Variants in NR2F6 observed in about 807,000 individuals in gnomAD.
NR2F6 encodes the protein nuclear receptor subfamily 2 group F member 6, also known as ERBA-related gene-2.
A neutral mutation model predicts 26.5 loss-of-function variants in NR2F6; 16 were observed. The ratio of observed to expected loss-of-function variants is 0.60; its 90% CI spans 0.41 to 0.92. The LOEUF (loss-of-function observed/expected upper bound fraction) is 0.92, where lower values mean the gene tolerates loss of function less well. Ranked by LOEUF, NR2F6 falls within the 40% of genes least tolerant of loss-of-function variation. The probability of loss-of-function intolerance (pLI) is 0.00; values close to 1 mark genes in which losing one functional copy is unlikely to be tolerated. For missense variants in NR2F6, 536 were observed against 631.7 expected (o/e 0.85, Z 1.62); for synonymous variants, 325 against 305.0 (o/e 1.07, Z -0.68).
At chr19:17,233,315 CAAAACAAAA>C (rs769837454) in intron 3 of NR2F6, among the ~76,000 whole-genome samples, 291 of 47,188 alleles carry the variant, frequency 6.2e-3, no homozygotes, top group Non-Finnish European at 0.015. Flanking sequence ...CTGTCTCAAA[CAAAACAAAA>C]CAAAACAAAA....
chr19:17,235,561 C>T lies in NR2F6; in HGVS notation c.878G>A (p.Gly293Asp). ...RAFQEQVDKL[G>D]RLQVDSAEYG... is the part of the protein sequence containing the mutation. ...CTCGGCCGAGTCGACCTGCAGGCGG[C>T]CCAGCTTGTCCACCTGCTCCTGGAA... is the stretch of plus-strand genomic sequence containing the variant. Residue 293 changes from glycine (G) to aspartate (D), a missense_variant, in exon 3 of 4, where the codon GGC becomes GAC. Physicochemically the swap from Gly to Asp is moderately conservative, Grantham distance 94 (BLOSUM62 -1). Coordinates refer to ENST00000291442, the MANE Select transcript of NR2F6 (RefSeq NM_005234.4). The surrounding 1 kb of genome is among the most constrained non-coding windows in gnomAD (Gnocchi z 5.0). 1 of 1,594,126 alleles carries T rather than the reference C, an allele frequency of 6.3e-7. No homozygotes were observed.
At chr19:17,240,594 G>T in intron 2 of NR2F6, 77 bp downstream of exon 2, 1 of 1,478,932 alleles carries the variant, frequency 6.8e-7, no homozygotes, top group Non-Finnish European at 9.4e-7. Context: ...AGGGGAAAAA[G>T]GGGAGGAAGA....
chr19:17,240,386 A>G (rs1176679203), intron 2 of NR2F6, among the ~76,000 whole-genome samples: 1 of 152,186 alleles, frequency 6.6e-6, no homozygotes, highest in Non-Finnish European at 1.5e-5. Flanking sequence ...GGGGCTGGGG[A>G]AAGTCCCTTG....
chr19:17,238,170 T>G (rs2145566097), intron 2 of NR2F6, among the ~76,000 whole-genome samples: 1 of 152,244 alleles, frequency 6.6e-6, no homozygotes, highest in East Asian at 1.9e-4. Flanking sequence ...AATGAGAATC[T>G]ATACCTTAAA....
At chr19:17,236,889 G>A (rs889731684) in intron 2 of NR2F6, among the ~76,000 whole-genome samples, 5 of 152,250 alleles carry the variant, frequency 3.3e-5, no homozygotes, top group East Asian at 1.9e-4. Context: ...GCTTGGGCAC[G>A]TCTGCAGTGA....
At chr19:17,244,580 G>A (rs928570961) in intron 1 of NR2F6, 1 of 234,424 alleles carries the variant, frequency 4.3e-6, no homozygotes, top group Non-Finnish European at 8.3e-6. Context: ...CATCCCGCGC[G>A]CCGGGATCCC....
intron 1 of NR2F6, among the ~76,000 whole-genome samples, chr19:17,243,297 A>C (rs2073479011): frequency 6.6e-6 from 1 of 152,176 alleles, no homozygotes; most frequent in Non-Finnish European, 1.5e-5. Context: ...GGGGCTTCTC[A>C]GGAGCTAGAC....
intron 1 of NR2F6, among the ~76,000 whole-genome samples, chr19:17,243,916 G>A: frequency 6.6e-6 from 1 of 152,310 alleles, no homozygotes; most frequent in Middle Eastern, 3.4e-3. Context: ...CTCTGTTTTG[G>A]GCAGCTGGGA....
chr19:17,237,555 GC>G (rs1802179040), intron 2 of NR2F6, among the ~76,000 whole-genome samples: 1 of 152,094 alleles, frequency 6.6e-6, no homozygotes, highest in South Asian at 2.1e-4. Flanking sequence ...GGGATTAGAG[GC>G]ACCTGCCACC....
At chr19:17,233,315 C>CAA (rs753338338) in intron 3 of NR2F6, among the ~76,000 whole-genome samples, 1 of 47,118 alleles carries the variant, frequency 2.1e-5, no homozygotes. Flanking sequence ...CTGTCTCAAA[C>CAA]AAAACAAAAC....
At position 17,232,179 on chromosome 19, in the gene NR2F6, T is replaced by C; in HGVS notation, c.*173A>G. The C allele has an allele frequency of 1.0e-6, 1 of 962,606 alleles. No individual in the cohort carries two copies. 59.6% of individuals were successfully genotyped at this position (962,606 alleles called of 1,614,324 possible). A position where few individuals can be genotyped will look rare whatever the true frequency, so the allele number is the denominator to read the frequency against. On this transcript the variant is annotated 3_prime_UTR_variant, in exon 4 of 4. Transcript: ENST00000291442. ...CTGGATGATCAGTCTCTTTTTGGTT[T>C]CATGATCATTTAAAAAACAGAAAAG...
At chr19:17,239,252 G>C (rs769253130) in intron 2 of NR2F6, among the ~76,000 whole-genome samples, 1 of 151,790 alleles carries the variant, frequency 6.6e-6, no homozygotes, top group Non-Finnish European at 1.5e-5. Flanking sequence ...CAGGAGAATC[G>C]CTTGAACCAG....
chr19:17,236,646 C>A (rs2073440191), intron 2 of NR2F6, among the ~76,000 whole-genome samples: 2 of 152,188 alleles, frequency 1.3e-5, no homozygotes, highest in South Asian at 4.1e-4. Flanking sequence ...CAATACCCAC[C>A]CAGCACTGGC....
intron 3 of NR2F6, 25 bp from the exon 4 acceptor site, chr19:17,232,651 C>A: frequency 6.6e-7 from 1 of 1,515,448 alleles, no homozygotes; most frequent in South Asian, 1.3e-5. Context: ...GCAAGTCAGA[C>A]AGGTGGGAGG....
intron 3 of NR2F6, 92 bp from the exon 4 acceptor site, chr19:17,232,718 G>T: frequency 7.0e-7 from 1 of 1,419,772 alleles, no homozygotes; most frequent in Non-Finnish European, 9.3e-7. Flanking sequence ...CGCCACTGTG[G>T]GTAAGAACAG....
chr19:17,238,865 C>T (rs1344931775), intron 2 of NR2F6, among the ~76,000 whole-genome samples: 3 of 151,966 alleles, frequency 2.0e-5, no homozygotes, highest in African/African-American at 7.3e-5. Flanking sequence ...GCTAGGAGTT[C>T]GAGACCAGCC....
Position 17,245,417 on chromosome 19 carries a change from G to C in NR2F6, c.-197C>G. On this transcript the variant is annotated 5_prime_UTR_variant, in exon 1 of 4. Coordinates refer to ENST00000291442, the MANE Select transcript of NR2F6 (RefSeq NM_005234.4). This position sits in a 1 kb window ranked among gnomAD's most constrained non-coding sequence, Gnocchi z 5.0. The stretch of plus-strand genomic sequence containing the variant: ...GGCGGAACTGGTCGGGCCGGTTCCA[G>C]GCCAACTTTCCCACGCGTGCGCGGG... 2.8e-6 allele frequency: 1 copy of C among 354,658 alleles called. No individual in the cohort carries two copies. The highest frequency in any genetic ancestry group is 4.6e-6 in the Non-Finnish European group (1 of 218,338). The allele number at this position is 354,658 out of a possible 1,614,324, so 22.0% of individuals were successfully genotyped here.
Position 17,232,289 on chromosome 19 carries a change from G to A in NR2F6, c.*63C>T. On this transcript the variant is annotated 3_prime_UTR_variant, in exon 4 of 4. Coordinates refer to ENST00000291442, the MANE Select transcript of NR2F6 (RefSeq NM_005234.4). ...CCCCGGGAGGCCCCTCGAGGCCTCA[G>A]CATTCCCTGTCCCTTGAGGTCTGTC... is the stretch of plus-strand genomic sequence containing the variant. 6.2e-7 allele frequency: 1 copy of A among 1,603,960 alleles called. No homozygotes were observed. The highest frequency in any genetic ancestry group is 8.5e-7 in the Non-Finnish European group (1 of 1,174,538).
intron 2 of NR2F6, among the ~76,000 whole-genome samples, chr19:17,237,245 C>T (rs78418896): frequency 0.013 from 2,025 of 152,242 alleles, 41 homozygotes; most frequent in African/African-American, 0.045. Flanking sequence ...AAGTGGTTCC[C>T]CGGTCCTCCA....
Sources: allele counts gnomAD v4.1 joint callset (sites outside exome capture counted in the v4.1 genomes callset), GRCh38; gene constraint gnomAD v4.1.1; non-coding constraint Gnocchi (gnomAD v3.1); transcripts MANE v1.5; gene names NCBI Gene and HGNC (gene_info 2026-07-23, HGNC 2026-07-21).